Variants in ZC3H13 observed in about 807,000 individuals in gnomAD.
The protein encoded by ZC3H13 is zinc finger CCCH-type containing 13, also known as zinc finger CCCH domain-containing protein 13.
A neutral mutation model predicts 204.1 loss-of-function variants in ZC3H13; 64 were observed. That is an observed-to-expected ratio of 0.31 (90% confidence interval 0.26 to 0.39). The LOEUF (loss-of-function observed/expected upper bound fraction) is 0.39, where lower values mean the gene tolerates loss of function less well. Ranked by LOEUF, ZC3H13 falls within the 10% of genes least tolerant of loss-of-function variation. The pLI, the probability that ZC3H13 is intolerant of heterozygous loss-of-function variation, is 1.00. For missense variants in ZC3H13, 1,833 were observed against 2,082.7 expected (o/e 0.88, Z 2.33); for synonymous variants, 667 against 693.7 (o/e 0.96, Z 0.60).
Position 45,959,925 on chromosome 13 carries a change from A to AT in ZC3H13, c.4676-280dup, listed in dbSNP as rs1000950981. Among the ~76,000 whole-genome samples the AT allele has an allele frequency of 9.2e-3, 1,377 of 148,952 alleles. 29 individuals are homozygous for AT. The highest frequency in any genetic ancestry group is 0.031 in the African/African-American group (1,257 of 40,408). On this transcript the variant is annotated intron_variant, in intron 17 of 18. Transcript: ENST00000679008. ...TGGATCTCAAGGTAGAGCCCAGGGA[A>AT]TTTTTTTTTTAATTTTAAACAATTT...
At chr13:46,035,823 G>A (rs1161548616) in intron 4 of ZC3H13, among the ~76,000 whole-genome samples, 4 of 152,164 alleles carry the variant, frequency 2.6e-5, no homozygotes, top group Non-Finnish European at 5.9e-5. Context: ...ACAAAGTCAA[G>A]AGACTTACTC....
intron 8 of ZC3H13, among the ~76,000 whole-genome samples, chr13:45,994,975 G>C (rs2040226544): frequency 6.8e-6 from 1 of 147,254 alleles, no homozygotes; most frequent in African/African-American, 2.5e-5. Context: ...CTAGTCACAG[G>C]AGCCAAAATT....
chr13:45,982,168 A>T (rs1368295804), intron 10 of ZC3H13, among the ~76,000 whole-genome samples: 1 of 152,026 alleles, frequency 6.6e-6, no homozygotes, highest in Non-Finnish European at 1.5e-5. Flanking sequence ...CAAATGTAAC[A>T]GGCTTTTGAG....
intron 4 of ZC3H13, among the ~76,000 whole-genome samples, chr13:46,032,404 G>A (rs1273536201): frequency 6.9e-6 from 1 of 145,844 alleles, no homozygotes; most frequent in African/African-American, 2.5e-5. Context: ...AGGGGATACA[G>A]TAAATTACCT....
At chr13:46,021,269 T>C (rs1474069637) in intron 4 of ZC3H13, among the ~76,000 whole-genome samples, 3 of 151,952 alleles carry the variant, frequency 2.0e-5, no homozygotes, top group East Asian at 3.8e-4. Flanking sequence ...AAAAGCAGCT[T>C]ACACACAAAA....
chr13:46,039,988 C>T (rs1432759568), intron 4 of ZC3H13, among the ~76,000 whole-genome samples: 1 of 152,080 alleles, frequency 6.6e-6, no homozygotes, highest in Non-Finnish European at 1.5e-5. Context: ...ATCTGTTATT[C>T]TGAATCAATA....
rs887038112 is a variant in ZC3H13 at position 45,959,421 on chromosome 13, C to T, written c.4839+62G>A. 4 of 1,387,198 alleles carry T rather than the reference C, an allele frequency of 2.9e-6. No homozygotes were observed. In the Admixed American group the frequency reaches 1.0e-4, roughly 35 times the overall value. 85.9% of individuals were successfully genotyped at this position (1,387,198 alleles called of 1,614,324 possible). ...GATTGCAATCTCAATTTAAAACAAC[C>T]AAATGAAAAATAGGCCATTCACACT... On this transcript the variant is annotated intron_variant, in intron 18 of 18. Coordinates refer to ENST00000679008, the MANE Select transcript of ZC3H13 (RefSeq NM_001330564.2).
chr13:45,991,865 A>T (rs534137545), intron 8 of ZC3H13, among the ~76,000 whole-genome samples: 2 of 152,180 alleles, frequency 1.3e-5, no homozygotes, highest in Admixed American at 6.5e-5. Context: ...GAGAATATTC[A>T]GGGTATATTT....
At chr13:45,995,683 T>C (rs956784449) in intron 8 of ZC3H13, among the ~76,000 whole-genome samples, 37 of 152,356 alleles carry the variant, frequency 2.4e-4, no homozygotes, top group African/African-American at 8.7e-4. Context: ...GTTGGATGAA[T>C]AAATGAATTA....
intron 9 of ZC3H13, among the ~76,000 whole-genome samples, chr13:45,988,246 TTTATTA>T (rs1219194228): frequency 3.9e-5 from 6 of 151,970 alleles, no homozygotes; most frequent in African/African-American, 1.5e-4. Flanking sequence ...CAGAACATCT[TTTATTA>T]TTATTATTAT....
At chr13:46,009,836 C>T (rs560433474) in intron 7 of ZC3H13, among the ~76,000 whole-genome samples, 39 of 151,414 alleles carry the variant, frequency 2.6e-4, no homozygotes, top group Admixed American at 1.8e-3. Context: ...TAATTTGTAG[C>T]AGTTTAAAAA....
intron 9 of ZC3H13, 142 bp downstream of exon 9, chr13:45,988,645 A>T: frequency 1.2e-6 from 1 of 819,130 alleles, no homozygotes; most frequent in Non-Finnish European, 1.9e-6. Context: ...CCATGTTGTT[A>T]AGCATCTCCT....
intron 18 of ZC3H13, among the ~76,000 whole-genome samples, chr13:45,958,648 G>GTTTCTTTTTTTTTT (rs1413203609): frequency 8.1e-6 from 1 of 123,706 alleles, no homozygotes; most frequent in Non-Finnish European, 1.7e-5. Flanking sequence ...AAAAATCCCA[G>GTTTCTTTTTTTTTT]TTTTTTTTTT....
intron 1 of ZC3H13, among the ~76,000 whole-genome samples, chr13:46,048,707 C>G (rs1235188150): frequency 6.6e-6 from 1 of 151,702 alleles, no homozygotes; most frequent in Non-Finnish European, 1.5e-5. Flanking sequence ...ATTCTTTCCA[C>G]AGAGACAAAA....
chr13:45,967,214 T>C (rs943669728), intron 15 of ZC3H13, among the ~76,000 whole-genome samples: 4 of 152,240 alleles, frequency 2.6e-5, no homozygotes, highest in Non-Finnish European at 4.4e-5. Flanking sequence ...AAGGATGTGA[T>C]GGTTATTCTT....
intron 1 of ZC3H13, among the ~76,000 whole-genome samples, chr13:46,048,601 A>AC (rs2044170275): frequency 6.6e-6 from 1 of 151,044 alleles, no homozygotes; most frequent in Admixed American, 6.6e-5. Context: ...AAAAAAAAAA[A>AC]AAAACTTTGA....
chr13:45,956,459 T>C lies in ZC3H13; in HGVS notation c.*668A>G, dbSNP rs1593421389. The C allele has an allele frequency of 6.6e-6, 1 of 152,112 alleles. No individual in the cohort carries two copies. 9.4% of individuals were successfully genotyped at this position (152,112 alleles called of 1,614,324 possible). The stretch of plus-strand genomic sequence containing the variant: ...AAATCTAAAACAAGGAAAGGGAAGA[T>C]ACATTTATTAAAAATAAAAATAGTA... On this transcript the variant is annotated 3_prime_UTR_variant, in exon 19 of 19. Coordinates refer to ENST00000679008, the MANE Select transcript of ZC3H13 (RefSeq NM_001330564.2).
intron 7 of ZC3H13, among the ~76,000 whole-genome samples, chr13:46,004,109 C>G (rs552457977): frequency 6.0e-5 from 9 of 150,898 alleles, no homozygotes; most frequent in East Asian, 3.9e-4. Context: ...ATAGTCACAA[C>G]TATTTTCTCT....
rs2137891983 is a variant in ZC3H13, at chr13:45,968,950, G to A, written c.3594C>T (p.Asn1198=). 1 of 1,614,198 alleles carries A rather than the reference G, an allele frequency of 6.2e-7. No homozygotes were observed. Residue 1198 remains asparagine (N), a synonymous_variant, in exon 14 of 19, where the codon AAC becomes AAT. Coordinates refer to ENST00000679008, the MANE Select transcript of ZC3H13 (RefSeq NM_001330564.2). ...RSSSLGSNRS[N]RSHTSGRLRS... ...GAAGACGACCAGACGTATGACTACG[G>A]TTACTCCGATTGCTCCCGAGGCTGC... is the stretch of plus-strand genomic sequence containing the variant.
Sources: allele counts gnomAD v4.1 joint callset (sites outside exome capture counted in the v4.1 genomes callset), GRCh38; gene constraint gnomAD v4.1.1; transcripts MANE v1.5; gene names NCBI Gene and HGNC (gene_info 2026-07-23, HGNC 2026-07-21).